The following CDK6 variants were observed in gnomAD, a reference collection of about 807,000 sequenced individuals.
CDK6 encodes cyclin-dependent kinase 6.
Under a neutral mutation model 37.1 loss-of-function variants are expected in CDK6, and 6 were observed. The ratio of observed to expected loss-of-function variants is 0.16; its 90% CI spans 0.09 to 0.32. The LOEUF is 0.32. Among genes scored for constraint, CDK6 ranks in the 10% least tolerant of loss-of-function variants. The pLI, the probability that CDK6 is intolerant of heterozygous loss-of-function variation, is 1.00. For synonymous variants in CDK6, 160 were observed against 161.3 expected (o/e 0.99, Z 0.06); for missense variants, 224 against 418.9 (o/e 0.53, Z 4.06).
chr7:92,825,754 T>C (rs923442505), intron 2 of CDK6, among the ~76,000 whole-genome samples: 5 of 152,164 alleles, frequency 3.3e-5, no homozygotes, highest in African/African-American at 1.2e-4. Flanking sequence ...CTCAAGCAAT[T>C]GATCAAAATG....
chr7:92,745,492 A>G (rs932769271), intron 3 of CDK6, among the ~76,000 whole-genome samples: 8 of 152,174 alleles, frequency 5.3e-5, no homozygotes, highest in African/African-American at 1.4e-4. Context: ...TCACCACTGG[A>G]TCAGGACTGA....
intron 3 of CDK6, among the ~76,000 whole-genome samples, chr7:92,727,029 T>C (rs1798530021): frequency 6.6e-6 from 1 of 152,170 alleles, no homozygotes; most frequent in South Asian, 2.1e-4. Flanking sequence ...TATCAGATCT[T>C]TTTCTAATTT....
At position 92,612,628 on chromosome 7, in the gene CDK6, G is replaced by T. The variant is rs780486518; in HGVS notation, c.*2512C>A. 1.6e-4 allele frequency: 38 copies of T among 233,058 alleles called. No homozygotes were observed. The highest frequency in any genetic ancestry group is 3.0e-4 in the Non-Finnish European group (35 of 117,982). 14.4% of individuals were successfully genotyped at this position (233,058 alleles called of 1,614,324 possible). A position where few individuals can be genotyped will look rare whatever the true frequency, so the allele number is the denominator to read the frequency against. On this transcript the variant is annotated 3_prime_UTR_variant, in exon 8 of 8. Coordinates refer to ENST00000424848, the MANE Select transcript of CDK6 (RefSeq NM_001145306.2). ...ATAATCTGCCAACGATTGAATGCCA[G>T]AATGTTTGTGCTTTAATTTTTCTTC...
chr7:92,672,119 A>C (rs1797083799), intron 4 of CDK6, among the ~76,000 whole-genome samples: 1 of 136,402 alleles, frequency 7.3e-6, no homozygotes, highest in Non-Finnish European at 1.5e-5. Flanking sequence ...AACCACTTGT[A>C]CCCCAAAAGC....
chr7:92,615,495 G>A (rs1795657095), intron 7 of CDK6, among the ~76,000 whole-genome samples: 1 of 152,116 alleles, frequency 6.6e-6, no homozygotes, highest in Admixed American at 6.6e-5. Context: ...ACCCTTTTGG[G>A]TGCCTATGGA....
chr7:92,736,063 C>T (rs1798779616), intron 3 of CDK6, among the ~76,000 whole-genome samples: 1 of 152,052 alleles, frequency 6.6e-6, no homozygotes, highest in Non-Finnish European at 1.5e-5. Flanking sequence ...TTTGTACTTG[C>T]AAGTTAGATA....
intron 3 of CDK6, among the ~76,000 whole-genome samples, chr7:92,773,559 G>A (rs1470013217): frequency 2.6e-5 from 4 of 152,314 alleles, no homozygotes; most frequent in South Asian, 4.1e-4. Flanking sequence ...AAAGAGGGGT[G>A]CACAGACAGA....
intron 2 of CDK6, among the ~76,000 whole-genome samples, chr7:92,819,479 G>A (rs1355574243): frequency 6.6e-6 from 1 of 152,008 alleles, no homozygotes; most frequent in East Asian, 1.9e-4. Context: ...TAAATTTGTC[G>A]AAACTCATAA....
chr7:92,611,203 AT>A lies in CDK6; in HGVS notation c.*3936del, dbSNP rs1795555615. 1 of 226,970 alleles carries A rather than the reference AT, an allele frequency of 4.4e-6. No individual in the cohort carries two copies. The highest frequency in any genetic ancestry group is 6.4e-5 in the East Asian group (1 of 15,562). 14.1% of individuals were successfully genotyped at this position (226,970 alleles called of 1,614,324 possible). ...AAAGCCTTAGAAATCATACATCTTTATCTGTCACAATGTGAAACATGCATTC... is the reference window on the plus strand; with the variant it reads ...AAAGCCTTAGAAATCATACATCTTTACTGTCACAATGTGAAACATGCATTC... On this transcript the variant is annotated 3_prime_UTR_variant, in exon 8 of 8. Transcript: ENST00000424848.
chr7:92,660,309 G>A (rs575018197), intron 5 of CDK6, among the ~76,000 whole-genome samples: 10 of 152,288 alleles, frequency 6.6e-5, no homozygotes, highest in Middle Eastern at 3.4e-3. Context: ...AGGCCTCTTC[G>A]TTAAAGAAGC....
chr7:92,700,250 T>C (rs1288356110), intron 4 of CDK6, among the ~76,000 whole-genome samples: 1 of 151,870 alleles, frequency 6.6e-6, no homozygotes, highest in East Asian at 1.9e-4. Context: ...TACTAAAGGG[T>C]TTTATGCAGG....
chr7:92,778,370 C>T (rs1199844186), intron 2 of CDK6, among the ~76,000 whole-genome samples: 1 of 152,024 alleles, frequency 6.6e-6, no homozygotes, highest in Non-Finnish European at 1.5e-5. Context: ...TAATATTTTC[C>T]CCTAATGTTA....
At chr7:92,791,475 C>T (rs1293712073) in intron 2 of CDK6, among the ~76,000 whole-genome samples, 1 of 152,098 alleles carries the variant, frequency 6.6e-6, no homozygotes, top group African/African-American at 2.4e-5. Flanking sequence ...AATTGCATCA[C>T]AGATGATGGA....
intron 2 of CDK6, among the ~76,000 whole-genome samples, chr7:92,811,051 GC>G (rs1430550965): frequency 6.6e-6 from 1 of 151,480 alleles, no homozygotes; most frequent in Non-Finnish European, 1.5e-5. Context: ...AACCCCCCCA[GC>G]GCCAAAGAAA....
chr7:92,671,018 A>G (rs370429553), intron 5 of CDK6, among the ~76,000 whole-genome samples: 1 of 152,154 alleles, frequency 6.6e-6, no homozygotes, highest in African/African-American at 2.4e-5. Context: ...TTTTTCAACT[A>G]TTCTCACTAT....
At chr7:92,659,505 A>G (rs1796787732) in intron 5 of CDK6, among the ~76,000 whole-genome samples, 1 of 152,140 alleles carries the variant, frequency 6.6e-6, no homozygotes, top group Non-Finnish European at 1.5e-5. Context: ...TGTGGCTCTC[A>G]TTACATTTCT....
chr7:92,622,912 G>T, intron 6 of CDK6, 124 bp downstream of exon 6: 1 of 653,172 alleles, frequency 1.5e-6, no homozygotes, highest in Non-Finnish European at 2.7e-6. Flanking sequence ...TAGTAACACT[G>T]TCTGCAGCAG....
intron 5 of CDK6, among the ~76,000 whole-genome samples, chr7:92,656,511 T>G (rs1796703111): frequency 1.3e-5 from 2 of 152,336 alleles, no homozygotes; most frequent in South Asian, 4.1e-4. Flanking sequence ...AGGCATACAA[T>G]AAAATCTCAG....
intron 5 of CDK6, among the ~76,000 whole-genome samples, chr7:92,645,827 C>G (rs1331844130): frequency 3.9e-5 from 6 of 152,190 alleles, no homozygotes; most frequent in Admixed American, 3.9e-4. Context: ...TTATTTACTT[C>G]GTGGATACTC....
Sources: gnomAD v4.1 joint callset for allele counts (sites outside exome capture counted in the v4.1 genomes callset) on GRCh38, gnomAD v4.1.1 for gene constraint, MANE v1.5 for transcripts, NCBI Gene and HGNC (gene_info 2026-07-23, HGNC 2026-07-21) for gene names.